PTPRN2: variants seen among roughly 807,000 people sequenced by gnomAD.
PTPRN2 encodes protein tyrosine phosphatase receptor type N2, also known as receptor-type tyrosine-protein phosphatase N2.
A neutral mutation model predicts 118.8 loss-of-function variants in PTPRN2; 74 were observed. That is an observed-to-expected ratio of 0.62 (90% confidence interval 0.52 to 0.76). PTPRN2 has a LOEUF of 0.76. Ranked by LOEUF, PTPRN2 falls within the 30% of genes least tolerant of loss-of-function variation. The probability of loss-of-function intolerance (pLI) is 0.00; values close to 1 mark genes in which losing one functional copy is unlikely to be tolerated. For synonymous variants in PTPRN2, 641 were observed against 608.0 expected (o/e 1.05, Z -0.80); for missense variants, 1,481 against 1,394.4 (o/e 1.06, Z -0.99).
chr7:158,577,822 C>T (rs933048520), intron 1 of PTPRN2, among the ~76,000 whole-genome samples: 2 of 152,226 alleles, frequency 1.3e-5, no homozygotes, highest in East Asian at 3.9e-4. Context: ...CTGACACAAT[C>T]CTAAGTGGAT....
chr7:158,163,669 TTCTC>T (rs1160453808), intron 6 of PTPRN2, among the ~76,000 whole-genome samples: 4 of 150,746 alleles, frequency 2.7e-5, no homozygotes, highest in Admixed American at 2.6e-4. Context: ...AAGTTCTCAA[TTCTC>T]TCTGCTTATT....
At chr7:157,637,410 T>G (rs546479514) in intron 14 of PTPRN2, among the ~76,000 whole-genome samples, 1 of 152,168 alleles carries the variant, frequency 6.6e-6, no homozygotes. Flanking sequence ...CAAGCAGCCC[T>G]GGGTGGGGGA....
At chr7:157,919,496 G>A (rs747393311) in intron 11 of PTPRN2, among the ~76,000 whole-genome samples, 3 of 152,122 alleles carry the variant, frequency 2.0e-5, no homozygotes, top group East Asian at 3.9e-4. Context: ...CATTTATGAC[G>A]TCAAAGTAAA....
chr7:158,414,750 G>A (rs1464560622), intron 2 of PTPRN2, among the ~76,000 whole-genome samples: 7 of 152,344 alleles, frequency 4.6e-5, no homozygotes, highest in Admixed American at 2.6e-4. Flanking sequence ...CTGAACGCTG[G>A]GAGCTGTGTT....
rs182585047 is a variant in PTPRN2, at chr7:157,703,110, T to A, written c.1789-20173A>T. Among the ~76,000 whole-genome samples, 298 of 152,342 alleles carry A rather than the reference T, an allele frequency of 2.0e-3. 8 individuals are homozygous for A. The highest frequency in any genetic ancestry group is 0.017 in the Admixed American group (265 of 15,304). On this transcript the variant is annotated intron_variant, in intron 12 of 22. Transcript: ENST00000389418. ...GGGAGTATCCTGAAATTGAACGGGC[T>A]CATTCTTGAAATGTCAGTGTGGCCG...
intron 11 of PTPRN2, among the ~76,000 whole-genome samples, chr7:158,059,293 A>T (rs1810101917): frequency 7.2e-6 from 1 of 139,556 alleles, no homozygotes; most frequent in African/African-American, 3.1e-5. Flanking sequence ...ACAGTGACAC[A>T]TCACTGCAGC....
intron 19 of PTPRN2, among the ~76,000 whole-genome samples, chr7:157,575,689 A>G (rs1054607107): frequency 2.0e-5 from 3 of 152,228 alleles, no homozygotes; most frequent in Non-Finnish European, 2.9e-5. Flanking sequence ...CTCCAGTTAC[A>G]TAACTGTAGA....
intron 2 of PTPRN2, among the ~76,000 whole-genome samples, chr7:158,410,319 T>G (rs1813941503): frequency 6.6e-6 from 1 of 152,058 alleles, no homozygotes; most frequent in South Asian, 2.1e-4. Flanking sequence ...GCAGGAGATG[T>G]GGGGGAAAGG....
intron 12 of PTPRN2, among the ~76,000 whole-genome samples, chr7:157,834,831 T>C (rs1807824301): frequency 6.6e-6 from 1 of 152,158 alleles, no homozygotes; most frequent in Non-Finnish European, 1.5e-5. Flanking sequence ...GAACCCCAAA[T>C]GTGTTGTCAA....
chr7:157,797,258 C>T (rs545739077), intron 12 of PTPRN2, among the ~76,000 whole-genome samples: 39 of 152,354 alleles, frequency 2.6e-4, no homozygotes, highest in African/African-American at 9.4e-4. Context: ...CCCAGGCAGC[C>T]CCAAAGGCTA....
chr7:157,587,135 ACAGGCAGG>A lies in PTPRN2; in HGVS notation c.2496+8095_2496+8102del, dbSNP rs1403012173. On this transcript the variant is annotated intron_variant, in intron 17 of 22. Coordinates refer to ENST00000389418, the MANE Select transcript of PTPRN2 (RefSeq NM_002847.5). The surrounding 1 kb of genome is among the most constrained non-coding windows in gnomAD (Gnocchi z 5.3). ...GCTGACACAGCAGACAGGCAGATAC[ACAGGCAGG>A]CAGACAGGCAGACAGGCAGGCAGAC... Among the ~76,000 whole-genome samples, 1 of 138,302 alleles carries A rather than the reference ACAGGCAGG, an allele frequency of 7.2e-6. No individual in the cohort carries two copies. Among genetic ancestry groups the A allele is most frequent in the South Asian group, 2.2e-4 (1 of 4,514 alleles). 90.7% of individuals were successfully genotyped at this position (138,302 alleles called of 152,430 possible). A position where few individuals can be genotyped will look rare whatever the true frequency, so the allele number is the denominator to read the frequency against.
intron 1 of PTPRN2, among the ~76,000 whole-genome samples, chr7:158,534,653 C>CA (rs534030315): frequency 2.6e-3 from 399 of 152,292 alleles, no homozygotes; most frequent in Middle Eastern, 0.01. Flanking sequence ...CCTGAAGACA[C>CA]ATCTCTGCGA....
At chr7:158,134,205 C>T (rs1818620296) in intron 8 of PTPRN2, 146 bp from the exon 9 acceptor site, 6 of 899,620 alleles carry the variant, frequency 6.7e-6, no homozygotes, top group Non-Finnish European at 9.9e-6. Context: ...GAAGTGTGTG[C>T]AGTCTATATT....
intron 6 of PTPRN2, among the ~76,000 whole-genome samples, chr7:158,155,619 CTAT>C (rs1821710995): frequency 6.1e-4 from 29 of 47,208 alleles, no homozygotes; most frequent in East Asian, 1.2e-3. Context: ...ACCATCAACA[CTAT>C]CATCACCATC....
At chr7:157,694,049 G>A (rs1472901194) in intron 12 of PTPRN2, among the ~76,000 whole-genome samples, 4 of 152,284 alleles carry the variant, frequency 2.6e-5, no homozygotes, top group Non-Finnish European at 5.9e-5. Context: ...AGGCCAGAGA[G>A]CTGGTTTTGC....
intron 2 of PTPRN2, among the ~76,000 whole-genome samples, chr7:158,334,128 T>G (rs1586325970): frequency 3.6e-5 from 1 of 27,786 alleles, no homozygotes; most frequent in African/African-American, 1.3e-4. Flanking sequence ...ACACCCACAC[T>G]CTCACCATAA....
At chr7:157,573,008 TG>T (rs1799837913) in intron 19 of PTPRN2, among the ~76,000 whole-genome samples, 1 of 152,218 alleles carries the variant, frequency 6.6e-6, no homozygotes, top group South Asian at 2.1e-4. Context: ...CAGAGTGCCT[TG>T]AACATTCTTG....
intron 11 of PTPRN2, among the ~76,000 whole-genome samples, chr7:158,070,308 C>CTG (rs1811117607): frequency 1.5e-5 from 2 of 136,070 alleles, no homozygotes; most frequent in African/African-American, 6.2e-5. Flanking sequence ...GGAGGTGCTC[C>CTG]TGGTGGTGGA....
At chr7:157,577,078 T>C (rs976690326) in intron 18 of PTPRN2, among the ~76,000 whole-genome samples, 1 of 152,338 alleles carries the variant, frequency 6.6e-6, no homozygotes, top group Admixed American at 6.5e-5. Context: ...GTCTTTTGCA[T>C]GTCCATGTTA....
Sources: gnomAD v4.1 joint callset for allele counts (sites outside exome capture counted in the v4.1 genomes callset) on GRCh38, gnomAD v4.1.1 for gene constraint, Gnocchi (gnomAD v3.1) non-coding constraint, MANE v1.5 for transcripts, NCBI Gene and HGNC (gene_info 2026-07-23, HGNC 2026-07-21) for gene names.